The following RAD51B variants were observed in gnomAD, a reference collection of about 807,000 sequenced individuals.
The protein encoded by RAD51B is RAD51 paralog B.
A neutral mutation model predicts 42.2 loss-of-function variants in RAD51B; 38 were observed. That is an observed-to-expected ratio of 0.90 (90% CI 0.70 to 1.18). RAD51B has a LOEUF of 1.18. Among genes scored for constraint, RAD51B ranks in the 50% most tolerant of loss-of-function variants. The probability of loss-of-function intolerance (pLI) is 0.00; values close to 1 mark genes in which losing one functional copy is unlikely to be tolerated. For missense variants in RAD51B, 373 were observed against 400.7 expected (o/e 0.93, Z 0.59); for synonymous variants, 154 against 145.2 (o/e 1.06, Z -0.43).
At chr14:68,291,606 C>A (rs2081518224) in intron 7 of RAD51B, among the ~76,000 whole-genome samples, 1 of 152,216 alleles carries the variant, frequency 6.6e-6, no homozygotes. Flanking sequence ...TCAGTCCCAA[C>A]TTACTCAGCA....
chr14:68,053,685 A>G (rs1363772741), intron 7 of RAD51B, among the ~76,000 whole-genome samples: 3 of 152,192 alleles, frequency 2.0e-5, no homozygotes, highest in Non-Finnish European at 4.4e-5. Flanking sequence ...TTTTCTGGTC[A>G]AGAAGAACCT....
intron 7 of RAD51B, among the ~76,000 whole-genome samples, chr14:68,059,759 G>A (rs1049912275): frequency 3.9e-5 from 6 of 151,990 alleles, no homozygotes; most frequent in African/African-American, 1.5e-4. Context: ...TTTCCCTCAG[G>A]AGATCACAAT....
At chr14:67,959,952 G>A (rs1383341119) in intron 7 of RAD51B, among the ~76,000 whole-genome samples, 1 of 152,116 alleles carries the variant, frequency 6.6e-6, no homozygotes, top group Non-Finnish European at 1.5e-5. Context: ...CATGGTGGTG[G>A]TGGGTGCCTG....
intron 9 of RAD51B, among the ~76,000 whole-genome samples, chr14:68,459,023 G>A (rs1191677616): frequency 6.6e-6 from 1 of 152,166 alleles, no homozygotes; most frequent in Non-Finnish European, 1.5e-5. Flanking sequence ...ATTCTAATCA[G>A]TCTAAGATCC....
intron 7 of RAD51B, among the ~76,000 whole-genome samples, chr14:67,938,962 A>G (rs2045058300): frequency 6.6e-6 from 1 of 152,244 alleles, no homozygotes; most frequent in African/African-American, 2.4e-5. Context: ...AATACTGATC[A>G]AAAGAACAAT....
intron 8 of RAD51B, among the ~76,000 whole-genome samples, chr14:68,315,548 G>A (rs2082040149): frequency 6.6e-6 from 1 of 151,942 alleles, no homozygotes; most frequent in Non-Finnish European, 1.5e-5. Flanking sequence ...TTGAGACAGA[G>A]TCTCACTCTA....
At chr14:68,562,250 C>T (rs774862921) in intron 10 of RAD51B, 2 of 985,292 alleles carry the variant, frequency 2.0e-6, no homozygotes, top group Non-Finnish European at 1.2e-6. Context: ...AAGAACCACT[C>T]AACAGGTGGG....
chr14:68,591,353 A>G (rs8016488), intron 10 of RAD51B, among the ~76,000 whole-genome samples: 115,869 of 152,146 alleles, frequency 0.76, 44,749 homozygotes, highest in Non-Finnish European at 0.83. Flanking sequence ...ATTTGAGGAC[A>G]CCTCTTCTGT....
chr14:68,100,740 A>G (rs1304705129), intron 7 of RAD51B, among the ~76,000 whole-genome samples: 2 of 152,218 alleles, frequency 1.3e-5, no homozygotes, highest in Admixed American at 6.5e-5. Flanking sequence ...ATGGAGCCTT[A>G]GAGATCATTG....
intron 7 of RAD51B, among the ~76,000 whole-genome samples, chr14:67,910,220 A>T (rs1189590709): frequency 1.3e-5 from 2 of 152,014 alleles, no homozygotes; most frequent in Non-Finnish European, 2.9e-5. Flanking sequence ...CCCTTGCAAT[A>T]ATGCTGTTTC....
chr14:68,556,462 C>T, intron 10 of RAD51B, among the ~76,000 whole-genome samples: 1 of 152,126 alleles, frequency 6.6e-6, no homozygotes, highest in Non-Finnish European at 1.5e-5. Flanking sequence ...GGAGTTCAGC[C>T]CAGGCTACCC....
intron 8 of RAD51B, among the ~76,000 whole-genome samples, chr14:68,315,665 G>A (rs2082043919): frequency 6.6e-6 from 1 of 152,056 alleles, no homozygotes; most frequent in Non-Finnish European, 1.5e-5. Flanking sequence ...GGGACTACAG[G>A]TGCCCGCCAC....
intron 7 of RAD51B, among the ~76,000 whole-genome samples, chr14:68,123,627 G>C (rs928606265): frequency 6.6e-6 from 1 of 152,106 alleles, no homozygotes; most frequent in East Asian, 1.9e-4. Context: ...GGCCAACGTG[G>C]TGAAACCCCA....
chr14:68,331,548 C>T (rs2082352789), intron 8 of RAD51B, among the ~76,000 whole-genome samples: 1 of 151,840 alleles, frequency 6.6e-6, no homozygotes, highest in Non-Finnish European at 1.5e-5. Flanking sequence ...TGTGTAAGTA[C>T]AAGCTCCTGT....
At chr14:68,650,534 A>G (rs1323415129) in intron 10 of RAD51B, among the ~76,000 whole-genome samples, 1 of 152,232 alleles carries the variant, frequency 6.6e-6, no homozygotes, top group Non-Finnish European at 1.5e-5. Context: ...TCTACCCCAA[A>G]CAAAGCTACT....
rs151193064 is a variant in RAD51B, at chr14:68,442,195, G to A, written c.958-25977G>A. ...ATTACTTTAACTCTCTTTACTCTGCGTCCAGTCTGCAGGGTCTTAGCCCAG... is the reference window on the plus strand; with the variant it reads ...ATTACTTTAACTCTCTTTACTCTGCATCCAGTCTGCAGGGTCTTAGCCCAG... On this transcript the variant is annotated intron_variant, in intron 9 of 10. Coordinates refer to ENST00000471583, the MANE Select transcript of RAD51B (RefSeq NM_133510.4). 7.1e-4 allele frequency among the ~76,000 whole-genome samples: 108 copies of A among 152,222 alleles called. 1 individual carries two copies. The highest frequency in any genetic ancestry group is 6.8e-3 in the Middle Eastern group (2 of 294).
At chr14:67,917,530 T>C (rs2044194953) in intron 7 of RAD51B, among the ~76,000 whole-genome samples, 1 of 152,172 alleles carries the variant, frequency 6.6e-6, no homozygotes, top group African/African-American at 2.4e-5. Context: ...TTTCCCATGT[T>C]GGGGATTAAC....
At chr14:67,940,832 A>G (rs2045176220) in intron 7 of RAD51B, among the ~76,000 whole-genome samples, 1 of 152,022 alleles carries the variant, frequency 6.6e-6, no homozygotes, top group South Asian at 2.1e-4. Context: ...TATGTCCCAT[A>G]TTATACAAAT....
chr14:67,864,004 G>A (rs1684133123), intron 4 of RAD51B, among the ~76,000 whole-genome samples: 1 of 151,576 alleles, frequency 6.6e-6, no homozygotes, highest in South Asian at 2.1e-4. Flanking sequence ...TACTATGGCG[G>A]AACAGGAGAG....
Sources: gnomAD v4.1 joint callset for allele counts (sites outside exome capture counted in the v4.1 genomes callset) on GRCh38, gnomAD v4.1.1 for gene constraint, MANE v1.5 for transcripts, NCBI Gene and HGNC (gene_info 2026-07-23, HGNC 2026-07-21) for gene names.